CARS1: variants seen among roughly 807,000 people sequenced by gnomAD.
The protein encoded by CARS1 is cysteinyl-tRNA synthetase 1, also known as cysteine--tRNA ligase, cytoplasmic.
CARS1 carries 48 observed loss-of-function variants against 106.2 expected under a neutral mutation model. The ratio of observed to expected loss-of-function variants is 0.45; its 90% confidence interval spans 0.36 to 0.57. The LOEUF (loss-of-function observed/expected upper bound fraction) is 0.57, where lower values mean the gene tolerates loss of function less well. CARS1 is among the 20% of genes least tolerant of loss of function. CARS1 has a pLI of 0.00. For synonymous variants in CARS1, 409 were observed against 403.4 expected (o/e 1.01, Z -0.17); for missense variants, 968 against 1,057.2 (o/e 0.92, Z 1.17).
At chr11:3,023,298 G>A (rs185194245) in intron 10 of CARS1, among the ~76,000 whole-genome samples, 52 of 152,264 alleles carry the variant, frequency 3.4e-4, no homozygotes, top group Admixed American at 1.6e-3. Flanking sequence ...AATGCAGTGC[G>A]AGTTGTTCAC....
At chr11:3,012,359 A>G (rs1328592005) in intron 17 of CARS1, 83 bp from the exon 18 acceptor site, 25 of 1,223,116 alleles carry the variant, frequency 2.0e-5, no homozygotes, top group Non-Finnish European at 2.9e-5. Flanking sequence ...TGGCCGCGAC[A>G]CAGGGCAGGG....
intron 17 of CARS1, 128 bp downstream of exon 17, chr11:3,015,653 C>G (rs1213780566): frequency 5.0e-6 from 4 of 797,822 alleles, no homozygotes; most frequent in Non-Finnish European, 8.7e-6. Flanking sequence ...TGCCATTTAG[C>G]TCGAGGCGCT....
At chr11:3,027,730 T>G in intron 9 of CARS1, 1 of 421,938 alleles carries the variant, frequency 2.4e-6, no homozygotes, top group Non-Finnish European at 4.8e-6. Context: ...CCTCCTGTTA[T>G]GCCCGGACAC....
intron 18 of CARS1, among the ~76,000 whole-genome samples, chr11:3,011,345 C>T (rs183543160): frequency 5.9e-5 from 9 of 152,270 alleles, no homozygotes; most frequent in African/African-American, 2.2e-4. Flanking sequence ...GTGGCTCACG[C>T]CTGTACTCCC....
chr11:3,015,243 A>G, intron 17 of CARS1, among the ~76,000 whole-genome samples: 1 of 152,208 alleles, frequency 6.6e-6, no homozygotes, highest in South Asian at 2.1e-4. Flanking sequence ...TGTGGGCCAC[A>G]GCTCTGGGGC....
intron 17 of CARS1, among the ~76,000 whole-genome samples, chr11:3,014,632 A>G (rs964117994): frequency 7.7e-5 from 9 of 116,142 alleles, no homozygotes; most frequent in Admixed American, 6.9e-4. Flanking sequence ...TTTGCGCAAG[A>G]GAACAAAGAA....
chr11:3,018,461 C>T lies in CARS1; in HGVS notation c.1576G>A (p.Asp526Asn). The T allele has an allele frequency of 6.2e-7, 1 of 1,614,116 alleles. No individual in the cohort carries two copies. The highest frequency in any genetic ancestry group is 8.5e-7 in the Non-Finnish European group (1 of 1,179,978). The change falls in exon 14 of 23, where the codon GAC becomes AAC. Residue 526 changes from aspartate (D) to asparagine (N), a missense_variant. By Grantham distance (23) the Asp-to-Asn change is conservative. Transcript: ENST00000380525. ...GACTCCATGGTGTTGCTGGAGTAGT[C>T]CAGGGTGTCCTTCCACGAGTGCATG... ...FLMHSWKDTL[D>N]YSSNTMESAL...
intron 1 of CARS1, among the ~76,000 whole-genome samples, chr11:3,057,073 C>G (rs1024678038): frequency 6.6e-6 from 1 of 152,000 alleles, no homozygotes; most frequent in African/African-American, 2.4e-5. Flanking sequence ...CCTCAGGACC[C>G]GCCGTCCCTC....
chr11:3,048,318 T>C lies in CARS1; in HGVS notation c.26-317A>G, dbSNP rs1855321811. 1 of 261,026 alleles carries C rather than the reference T, an allele frequency of 3.8e-6. No individual in the cohort carries two copies. Among genetic ancestry groups the C allele is most frequent in the East Asian group, 7.4e-5 (1 of 13,484 alleles). The allele number at this position is 261,026 out of a possible 1,614,324, so 16.2% of individuals were successfully genotyped here. On this transcript the variant is annotated intron_variant, in intron 1 of 22. Coordinates refer to ENST00000380525, the MANE Select transcript of CARS1 (RefSeq NM_001014437.3). This position sits in a 1 kb window ranked among gnomAD's most constrained non-coding sequence, Gnocchi z 5.1. ...TGTGTACTTTTCACTTTATGTCATA[T>C]AAATTACTTAGTTTTTACATTTTTA... is the stretch of plus-strand genomic sequence containing the variant.
Position 3,005,387 on chromosome 11 carries a change from T to C in CARS1, c.2196A>G (p.Lys732=), listed in dbSNP as rs1849758814. Residue 732 remains lysine, a synonymous_variant, in exon 20 of 23, where the codon AAA becomes AAG. Coordinates refer to ENST00000380525, the MANE Select transcript of CARS1 (RefSeq NM_001014437.3). ...TCACCCGTCTCTTTTCTTCTCTCTCTTTTAATAAGGTGTTTCTGTCTACCA... is the reference window on the plus strand; with the variant it reads ...TCACCCGTCTCTTTTCTTCTCTCTCCTTTAATAAGGTGTTTCTGTCTACCA... ...VKLVDRNTLL[K]EREEKRRVEE... The C allele has an allele frequency of 4.3e-6, 7 of 1,613,626 alleles. No individual in the cohort carries two copies. The highest frequency in any genetic ancestry group is 5.9e-6 in the Non-Finnish European group (7 of 1,179,544).
At chr11:3,047,658 A>G in intron 2 of CARS1, 95 bp downstream of exon 2, 1 of 1,481,958 alleles carries the variant, frequency 6.7e-7, no homozygotes. Context: ...CCTCTGGGGT[A>G]TCCGCAGACG....
In CARS1 at chr11:3,028,943, C is replaced by T. The variant is rs1346184418; in HGVS notation, c.1031+53G>A. ...CAGGCTCAGAGCTGGGGAGCTCCTC[C>T]CTGTGCGATGTTCTGCAGCCCTTCC... On this transcript the variant is annotated intron_variant, in intron 9 of 22. Coordinates refer to ENST00000380525, the MANE Select transcript of CARS1 (RefSeq NM_001014437.3). The surrounding 1 kb of genome is among the most constrained non-coding windows in gnomAD (Gnocchi z 4.4). 1.6e-6 allele frequency: 2 copies of T among 1,246,250 alleles called. No homozygotes were observed. Among genetic ancestry groups the T allele is most frequent in the Non-Finnish European group, 2.4e-6 (2 of 846,390 alleles). 77.2% of individuals were successfully genotyped at this position (1,246,250 alleles called of 1,614,324 possible). A position where few individuals can be genotyped will look rare whatever the true frequency, so the allele number is the denominator to read the frequency against.
chr11:3,056,523 G>A lies in CARS1; in HGVS notation c.25+820C>T, dbSNP rs118176522. On this transcript the variant is annotated intron_variant, in intron 1 of 22. Coordinates refer to ENST00000380525, the MANE Select transcript of CARS1 (RefSeq NM_001014437.3). ...CAGCTGTGTCCCTGGGGAACCTCCC[G>A]GGTTGGCAATAAAATGGGGCAGTAA... Among the ~76,000 whole-genome samples, 20 of 152,300 alleles carry A rather than the reference G, an allele frequency of 1.3e-4. 1 individual carries two copies. In the East Asian group the frequency reaches 3.7e-3, roughly 28 times the overall value.
chr11:3,013,894 C>T (rs1850740808), intron 17 of CARS1, among the ~76,000 whole-genome samples: 1 of 152,134 alleles, frequency 6.6e-6, no homozygotes, highest in Admixed American at 6.5e-5. Context: ...AATAATAGCT[C>T]AGCGGCCACG....
At chr11:3,007,102 C>T in intron 18 of CARS1, 143 bp from the exon 19 acceptor site, 1 of 669,148 alleles carries the variant, frequency 1.5e-6, no homozygotes, top group Non-Finnish European at 2.6e-6. Flanking sequence ...GGGGCCCCGG[C>T]CCACAGAACG....
intron 3 of CARS1, 78 bp downstream of exon 3, chr11:3,042,087 T>A: frequency 1.9e-6 from 2 of 1,031,378 alleles, no homozygotes; most frequent in Non-Finnish European, 3.0e-6. Context: ...AAGTCTGTTG[T>A]GCGACAAGGC....
At position 3,017,935 on chromosome 11, in the gene CARS1, T is replaced by C. The variant is rs1851207826; in HGVS notation, c.1649A>G (p.Lys550Arg). The change falls in exon 15 of 23, where the codon AAA becomes AGA. Residue 550 changes from lysine (K) to arginine (R), a missense_variant. Transcript: ENST00000380525. The surrounding 1 kb of genome is among the most constrained non-coding windows in gnomAD (Gnocchi z 4.9). ...KFLNEFFLNV[K>R]DILRAPVDIT... ...GTCAACAGGAGCGCGAAGGATATCT[T>C]TCACATTTAAGAAAAACTCCTGAAG... 6.2e-7 allele frequency: 1 copy of C among 1,613,352 alleles called. No homozygotes were observed. The highest frequency in any genetic ancestry group is 1.1e-5 in the South Asian group (1 of 90,868).
intron 7 of CARS1, among the ~76,000 whole-genome samples, chr11:3,035,802 T>C (rs1412863719): frequency 1.3e-5 from 2 of 152,222 alleles, no homozygotes; most frequent in Non-Finnish European, 2.9e-5. Flanking sequence ...ACATTTCTGA[T>C]ATGGCTACTA....
chr11:3,016,743 A>G (rs1851047160), intron 16 of CARS1, among the ~76,000 whole-genome samples: 1 of 151,990 alleles, frequency 6.6e-6, no homozygotes, highest in South Asian at 2.1e-4. Context: ...CCTCCCAAGC[A>G]GCTGGAAAAC....
Sources: gnomAD v4.1 joint callset for allele counts (sites outside exome capture counted in the v4.1 genomes callset) on GRCh38, gnomAD v4.1.1 for gene constraint, Gnocchi (gnomAD v3.1) non-coding constraint, MANE v1.5 for transcripts, NCBI Gene and HGNC (gene_info 2026-07-23, HGNC 2026-07-21) for gene names.